Variants in DRC3 observed in about 807,000 individuals in gnomAD.
DRC3 encodes the protein dynein regulatory complex subunit 3.
A neutral mutation model predicts 57.6 loss-of-function variants in DRC3; 45 were observed. That is an observed-to-expected ratio of 0.78 (90% CI 0.62 to 1.00). The LOEUF is 1.00. Ranked by LOEUF, DRC3 falls within the 50% of genes least tolerant of loss-of-function variation. The pLI is 0.00. For missense variants in DRC3, 655 were observed against 675.2 expected (o/e 0.97, Z 0.33); for synonymous variants, 257 against 272.3 (o/e 0.94, Z 0.55).
intron 9 of DRC3, among the ~76,000 whole-genome samples, chr17:18,001,065 GTTTC>G (rs1433882874): frequency 1.3e-5 from 2 of 151,042 alleles, no homozygotes; most frequent in East Asian, 1.9e-4. Context: ...ACACCTGGCT[GTTTC>G]TTTCTTTTTT....
At chr17:18,010,036 C>T (rs577936511) in intron 12 of DRC3, among the ~76,000 whole-genome samples, 4 of 152,312 alleles carry the variant, frequency 2.6e-5, no homozygotes, top group East Asian at 1.9e-4. Flanking sequence ...TGAACATCCA[C>T]GCGGGTATCC....
chr17:18,006,225 G>C lies in DRC3; in HGVS notation c.1174G>C (p.Gly392Arg). 1 of 1,612,538 alleles carries C rather than the reference G, an allele frequency of 6.2e-7. No individual in the cohort carries two copies. The highest frequency in any genetic ancestry group is 2.2e-5 in the East Asian group (1 of 44,864). ...TGAAAGGAACATTGTTGACATGGTA[G>C]GACTGTTTATCGAAAATGTCCAAAG... Reference protein sequence around the residue: ...MFERNIVDMVGLFIENVQSLM... With the variant: ...MFERNIVDMVRLFIENVQSLM... Residue 392 changes from glycine (G) to arginine (R), a missense_variant, in exon 11 of 14, where the codon GGA (glycine) becomes CGA (arginine). Transcript: ENST00000399187.
At chr17:18,001,798 A>C (rs1287818306) in intron 9 of DRC3, among the ~76,000 whole-genome samples, 1 of 152,182 alleles carries the variant, frequency 6.6e-6, no homozygotes, top group Non-Finnish European at 1.5e-5. Flanking sequence ...TAAAAGAATT[A>C]AAAAATTTTT....
In DRC3 at chr17:18,004,384, G is replaced by C. The variant is rs751804051; in HGVS notation, c.1021G>C (p.Glu341Gln). ...CTAGAGTTTAAGTGCCATTCGAGAGGAGTTGGAACTGCCCAACATTGAGAA... is the reference window on the plus strand; with the variant it reads ...CTAGAGTTTAAGTGCCATTCGAGAGCAGTTGGAACTGCCCAACATTGAGAA... ...HLSSLSAIRE[E>Q]LELPNIEKMI... Residue 341 changes from glutamate to glutamine, a missense_variant, in exon 10 of 14, where the codon GAG becomes CAG. Glu to Gln is a conservative substitution (Grantham distance 29). Coordinates refer to ENST00000399187, the MANE Select transcript of DRC3 (RefSeq NM_031294.4). The C allele has an allele frequency of 5.0e-6, 8 of 1,605,738 alleles. No homozygotes were observed. In the African/African-American group the frequency reaches 1.1e-4, roughly 21 times the overall value.
intron 9 of DRC3, among the ~76,000 whole-genome samples, chr17:18,004,038 C>T (rs12150484): frequency 0.08 from 12,184 of 152,108 alleles, 695 homozygotes; most frequent in Non-Finnish European, 0.12. Context: ...AGCCATGGCT[C>T]CTTCTACCCT....
intron 9 of DRC3, among the ~76,000 whole-genome samples, chr17:18,004,101 G>T (rs1398079100): frequency 6.6e-6 from 1 of 152,214 alleles, no homozygotes; most frequent in African/African-American, 2.4e-5. Context: ...GCACTTGCTA[G>T]TGCTCAAAGA....
chr17:17,977,481 T>G, intron 2 of DRC3, 101 bp from the exon 3 acceptor site: 1 of 1,360,600 alleles, frequency 7.3e-7, no homozygotes, highest in African/African-American at 1.4e-5. Context: ...TTCCTCAGAG[T>G]GCCAGTGGCC....
chr17:18,011,705 C>G (rs1263617094), intron 12 of DRC3: 1 of 208,800 alleles, frequency 4.8e-6, no homozygotes, highest in East Asian at 1.1e-4. Context: ...TACCTGCCCC[C>G]TGACCTCTGG....
At chr17:17,985,209 T>C (rs2042902921) in intron 4 of DRC3, among the ~76,000 whole-genome samples, 1 of 152,228 alleles carries the variant, frequency 6.6e-6, no homozygotes, top group African/African-American at 2.4e-5. Flanking sequence ...ATACTGGTCT[T>C]GGTTCCCTCC....
rs780462857 is a variant in DRC3 at position 17,987,988 on chromosome 17, G to A, written c.334G>A (p.Glu112Lys). The A allele has an allele frequency of 3.5e-5, 57 of 1,613,872 alleles. No individual in the cohort carries two copies. Among genetic ancestry groups the A allele is most frequent in the Non-Finnish European group, 3.1e-5 (37 of 1,179,892 alleles). ...IEGLDTLVNL[E>K]DLSLFNNRIS... ...GGGGCTGGACACACTGGTGAACCTG[G>A]AGGACCTGAGCTTGTTCAACAACCG... The change falls in exon 5 of 14, where the codon GAG becomes AAG. Residue 112 changes from glutamate to lysine, a missense_variant. Physicochemically the swap from Glu to Lys is moderately conservative, Grantham distance 56. Coordinates refer to ENST00000399187, the MANE Select transcript of DRC3 (RefSeq NM_031294.4).
At chr17:18,000,353 CGTGAGT>C (rs1259712091) in intron 9 of DRC3, among the ~76,000 whole-genome samples, 2 of 99,624 alleles carry the variant, frequency 2.0e-5, no homozygotes, top group African/African-American at 8.8e-5. Context: ...TTTGCTTTCA[CGTGAGT>C]GTGTGTGTGT....
Position 17,994,285 on chromosome 17 carries a change from C to A in DRC3, c.592-14C>A. The A allele has an allele frequency of 6.4e-7, 1 of 1,551,106 alleles. No homozygotes were observed. The highest frequency in any genetic ancestry group is 1.2e-5 in the South Asian group (1 of 83,984). On this transcript the variant is annotated splice_polypyrimidine_tract_variant and intron_variant, in intron 6 of 13. Transcript: ENST00000399187. ...GAACCTCTGGTAACAATGCCACTCC[C>A]GTTCCCTGGTCAGAAAAAGCTTGCG...
At chr17:18,007,977 A>G (rs2044041899) in intron 12 of DRC3, 3 of 346,492 alleles carry the variant, frequency 8.7e-6, no homozygotes, top group Non-Finnish European at 1.2e-5. Flanking sequence ...CCCAAACCCT[A>G]TCACTGCACA....
intron 3 of DRC3, among the ~76,000 whole-genome samples, chr17:17,982,456 C>T (rs1470334215): frequency 1.3e-5 from 2 of 152,062 alleles, no homozygotes; most frequent in Non-Finnish European, 2.9e-5. Flanking sequence ...ACCTCCTGAT[C>T]TGCCTACCTT....
At chr17:17,974,982 G>A (rs2042314418) in intron 2 of DRC3, among the ~76,000 whole-genome samples, 1 of 152,188 alleles carries the variant, frequency 6.6e-6, no homozygotes, top group South Asian at 2.1e-4. Flanking sequence ...GCTTAGATAG[G>A]TGAAGTGAGT....
intron 13 of DRC3, 126 bp downstream of exon 13, chr17:18,016,321 T>C: frequency 8.8e-7 from 1 of 1,142,438 alleles, no homozygotes; most frequent in Non-Finnish European, 1.3e-6. Context: ...AAATTAAGGA[T>C]TATAGAATTC....
intron 12 of DRC3, among the ~76,000 whole-genome samples, chr17:18,012,471 T>G (rs1245503047): frequency 6.6e-6 from 1 of 152,134 alleles, no homozygotes; most frequent in African/African-American, 2.4e-5. Flanking sequence ...CTGGAGCTCA[T>G]GAGTTGGAGA....
At chr17:17,988,453 A>G (rs573305272) in intron 5 of DRC3, 2 of 254,624 alleles carry the variant, frequency 7.9e-6, no homozygotes, top group South Asian at 9.7e-5. Flanking sequence ...GTCCCTTTGG[A>G]GTGACCAGCA....
At chr17:18,004,762 T>C in intron 10 of DRC3, 2 of 436,012 alleles carry the variant, frequency 4.6e-6, no homozygotes, top group South Asian at 2.6e-5. Context: ...GAGAGGTTTT[T>C]GATTAGACCC....
Sources: allele counts gnomAD v4.1 joint callset (sites outside exome capture counted in the v4.1 genomes callset), GRCh38; gene constraint gnomAD v4.1.1; transcripts MANE v1.5; gene names NCBI Gene and HGNC (gene_info 2026-07-23, HGNC 2026-07-21).